CTNND2: variants seen among roughly 807,000 people sequenced by gnomAD.
CTNND2 encodes catenin delta 2.
A neutral mutation model predicts 144.4 loss-of-function variants in CTNND2; 22 were observed. The observed-to-expected ratio is 0.15, with a 90% CI of 0.11 to 0.22. CTNND2 has a LOEUF of 0.22. Among genes scored for constraint, CTNND2 ranks in the 10% least tolerant of loss-of-function variants. The pLI is 1.00. For missense variants in CTNND2, 1,353 were observed against 1,618.8 expected, an observed-to-expected ratio of 0.84 and a Z score of 2.82; for synonymous variants, 751 against 695.6, an observed-to-expected ratio of 1.08 and a Z score of -1.25.
chr5:11,802,776 G>C (rs566796720), intron 1 of CTNND2, among the ~76,000 whole-genome samples: 162 of 152,176 alleles, frequency 1.1e-3, no homozygotes, highest in African/African-American at 3.8e-3. Context: ...ATGATAAATA[G>C]CAATGTAATG....
chr5:11,236,400 A>G (rs1432818291), intron 10 of CTNND2, among the ~76,000 whole-genome samples: 1 of 152,202 alleles, frequency 6.6e-6, no homozygotes, highest in East Asian at 1.9e-4. Flanking sequence ...AATTGGGAAG[A>G]GAAAGACAAA....
At chr5:11,529,231 G>A (rs974108870) in intron 3 of CTNND2, among the ~76,000 whole-genome samples, 1 of 151,720 alleles carries the variant, frequency 6.6e-6, no homozygotes, top group Non-Finnish European at 1.5e-5. Context: ...TCTATTAGCT[G>A]TGCAAAAAAC....
chr5:11,379,208 G>T (rs1183248737), intron 7 of CTNND2, among the ~76,000 whole-genome samples: 1 of 152,158 alleles, frequency 6.6e-6, no homozygotes, highest in Non-Finnish European at 1.5e-5. Context: ...ATAGGATGTC[G>T]ACAGCTTTTT....
chr5:11,123,203 C>T (rs1210266536), intron 12 of CTNND2, among the ~76,000 whole-genome samples: 1 of 152,174 alleles, frequency 6.6e-6, no homozygotes, highest in East Asian at 1.9e-4. Context: ...ATGTTTGAGT[C>T]TGGTCCCACA....
intron 3 of CTNND2, among the ~76,000 whole-genome samples, chr5:11,472,290 CG>C (rs1203876084): frequency 1.3e-5 from 2 of 152,136 alleles, no homozygotes; most frequent in Admixed American, 1.3e-4. Context: ...CAAGCCTTGA[CG>C]TAGCTTTGTA....
intron 1 of CTNND2, among the ~76,000 whole-genome samples, chr5:11,860,692 A>C (rs1795459409): frequency 6.6e-6 from 1 of 152,230 alleles, no homozygotes; most frequent in Non-Finnish European, 1.5e-5. Context: ...TTTAGGTACC[A>C]ATTAGAACTT....
At chr5:11,704,017 C>T (rs4307093) in intron 2 of CTNND2, among the ~76,000 whole-genome samples, 3,855 of 152,286 alleles carry the variant, frequency 0.025, 174 homozygotes, top group African/African-American at 0.088. Flanking sequence ...CATCTCAAAG[C>T]ATCCTACAAT....
Position 11,102,970 on chromosome 5 carries a change from A to ATT in CTNND2, c.2464-4224_2464-4223dup, listed in dbSNP as rs778134907. Among the ~76,000 whole-genome samples the ATT allele has an allele frequency of 7.8e-3, 655 of 84,088 alleles. 60 individuals are homozygous for ATT. The highest frequency in any genetic ancestry group is 0.014 in the South Asian group (29 of 2,018). 55.2% of individuals were successfully genotyped at this position (84,088 alleles called of 152,430 possible). On this transcript the variant is annotated intron_variant, in intron 14 of 21. Transcript: ENST00000304623. ...GCAGGGCTTAAATTCTATTTAAAAG[A>ATT]TTTTTTTTTTTTTTTTTTTTTTTTT...
intron 9 of CTNND2, among the ~76,000 whole-genome samples, chr5:11,276,996 T>A (rs1554018887): frequency 6.6e-6 from 1 of 152,226 alleles, no homozygotes; most frequent in Non-Finnish European, 1.5e-5. Context: ...TACATTTCTG[T>A]TGTTTTAAAC....
At chr5:11,610,944 T>G (rs1008927267) in intron 2 of CTNND2, among the ~76,000 whole-genome samples, 7 of 152,178 alleles carry the variant, frequency 4.6e-5, no homozygotes, top group African/African-American at 7.2e-5. Context: ...AGATTTAGGA[T>G]AAAATCTAAA....
chr5:10,980,361 CCA>C (rs1737073602), intron 21 of CTNND2, among the ~76,000 whole-genome samples: 1 of 152,174 alleles, frequency 6.6e-6, no homozygotes, highest in Non-Finnish European at 1.5e-5. Flanking sequence ...CCATCTCACA[CCA>C]GTCAGAATGG....
At chr5:11,736,073 G>A (rs1787668109) in intron 1 of CTNND2, among the ~76,000 whole-genome samples, 1 of 152,110 alleles carries the variant, frequency 6.6e-6, no homozygotes, top group Non-Finnish European at 1.5e-5. Flanking sequence ...ACATAAGTGG[G>A]CCCAGAACTC....
At chr5:11,294,563 C>A (rs111582663) in intron 9 of CTNND2, among the ~76,000 whole-genome samples, 3,144 of 152,272 alleles carry the variant, frequency 0.021, 55 homozygotes, top group Middle Eastern at 0.058. Context: ...ACATCCAACA[C>A]TTTAAGCTTG....
intron 9 of CTNND2, among the ~76,000 whole-genome samples, chr5:11,245,454 G>A (rs908136680): frequency 1.2e-4 from 19 of 152,262 alleles, no homozygotes; most frequent in Admixed American, 4.6e-4. Flanking sequence ...GAGGGAGACT[G>A]GACGCAGAAG....
chr5:11,309,593 C>T (rs1015402572), intron 9 of CTNND2, among the ~76,000 whole-genome samples: 3 of 152,272 alleles, frequency 2.0e-5, no homozygotes, highest in South Asian at 4.1e-4. Flanking sequence ...AAAGGACTTG[C>T]ATTGTCTCAG....
At chr5:11,062,863 C>A (rs530965100) in intron 16 of CTNND2, among the ~76,000 whole-genome samples, 34 of 152,306 alleles carry the variant, frequency 2.2e-4, no homozygotes, top group Non-Finnish European at 4.4e-4. Flanking sequence ...AAAACCAGGT[C>A]AATTTTCTCC....
intron 9 of CTNND2, among the ~76,000 whole-genome samples, chr5:11,329,477 C>T (rs759898302): frequency 3.9e-5 from 6 of 152,132 alleles, no homozygotes; most frequent in Non-Finnish European, 7.4e-5. Flanking sequence ...CTCTTTAAAG[C>T]CTTATCTCCA....
At chr5:11,898,426 C>A (rs1356948829) in intron 1 of CTNND2, among the ~76,000 whole-genome samples, 1 of 152,134 alleles carries the variant, frequency 6.6e-6, no homozygotes, top group South Asian at 2.1e-4. Flanking sequence ...AAAACATGCA[C>A]AAAATGCAGT....
chr5:11,076,197 T>C (rs567923781), intron 16 of CTNND2, among the ~76,000 whole-genome samples: 7 of 152,146 alleles, frequency 4.6e-5, no homozygotes, highest in Non-Finnish European at 1.0e-4. Context: ...ATCAAATAGG[T>C]GCTGCCCACT....
Sources: allele counts gnomAD v4.1 joint callset (sites outside exome capture counted in the v4.1 genomes callset), GRCh38; gene constraint gnomAD v4.1.1; transcripts MANE v1.5; gene names NCBI Gene and HGNC (gene_info 2026-07-23, HGNC 2026-07-21).